Variants in ADCY8 observed in about 807,000 individuals in gnomAD.
ADCY8 encodes adenylate cyclase type 8.
A neutral mutation model predicts 119.7 loss-of-function variants in ADCY8; 51 were observed. The observed-to-expected ratio is 0.43, with a 90% confidence interval of 0.34 to 0.54. The LOEUF (loss-of-function observed/expected upper bound fraction) is 0.54. ADCY8 is among the 20% of genes least tolerant of loss of function. ADCY8 has a pLI of 0.03. For synonymous variants in ADCY8, 665 were observed against 651.0 expected (o/e 1.02, Z -0.33); for missense variants, 1,383 against 1,598.8 (o/e 0.87, Z 2.30).
chr8:130,812,129 C>A (rs777073413), intron 14 of ADCY8, among the ~76,000 whole-genome samples: 1 of 152,190 alleles, frequency 6.6e-6, no homozygotes, highest in Non-Finnish European at 1.5e-5. Context: ...CAGGGTCTTG[C>A]CTGGGCCCTT....
At chr8:130,966,360 C>T (rs1051168628) in intron 2 of ADCY8, among the ~76,000 whole-genome samples, 3 of 152,080 alleles carry the variant, frequency 2.0e-5, no homozygotes, top group African/African-American at 7.2e-5. Context: ...GCCTAACGTA[C>T]ATGATTGAGG....
At chr8:130,928,195 C>T (rs1820529412) in intron 5 of ADCY8, among the ~76,000 whole-genome samples, 1 of 152,148 alleles carries the variant, frequency 6.6e-6, no homozygotes, top group Non-Finnish European at 1.5e-5. Context: ...CCTCAGCCTC[C>T]CAAGTAGCTA....
chr8:130,794,401 C>T (rs925930758), intron 15 of ADCY8, among the ~76,000 whole-genome samples: 18 of 152,096 alleles, frequency 1.2e-4, no homozygotes, highest in African/African-American at 3.1e-4. Flanking sequence ...CCCACCAGCA[C>T]GCCTGGCTCA....
At chr8:130,997,864 C>T (rs974182387) in intron 1 of ADCY8, among the ~76,000 whole-genome samples, 1 of 152,088 alleles carries the variant, frequency 6.6e-6, no homozygotes, top group Non-Finnish European at 1.5e-5. Context: ...TACCTGGATC[C>T]CTCGGGTCCC....
intron 14 of ADCY8, among the ~76,000 whole-genome samples, chr8:130,804,090 T>C (rs890413601): frequency 6.6e-6 from 1 of 152,224 alleles, no homozygotes; most frequent in Non-Finnish European, 1.5e-5. Flanking sequence ...GAGATCCTGC[T>C]TAAGTAAATG....
At chr8:130,872,284 A>C (rs1818395233) in intron 8 of ADCY8, among the ~76,000 whole-genome samples, 1 of 152,218 alleles carries the variant, frequency 6.6e-6, no homozygotes, top group African/African-American at 2.4e-5. Context: ...CAACTCTTGA[A>C]GAAGGTCTTG....
At chr8:130,992,382 CAT>C (rs1161136558) in intron 1 of ADCY8, among the ~76,000 whole-genome samples, 1,744 of 77,002 alleles carry the variant, frequency 0.023, 29 homozygotes, top group Middle Eastern at 0.036. Context: ...CTGTATCTGG[CAT>C]ATATATATAT....
chr8:130,844,275 T>G (rs1303480782), intron 11 of ADCY8, among the ~76,000 whole-genome samples: 1 of 152,170 alleles, frequency 6.6e-6, no homozygotes, highest in East Asian at 1.9e-4. Flanking sequence ...AACCTGTGCC[T>G]TTCTTTCTCC....
intron 8 of ADCY8, among the ~76,000 whole-genome samples, chr8:130,873,089 C>T (rs867321396): frequency 3.9e-5 from 6 of 152,154 alleles, no homozygotes; most frequent in South Asian, 2.1e-4. Flanking sequence ...CAGGGAAGTT[C>T]GTTTACAGAG....
intron 1 of ADCY8, among the ~76,000 whole-genome samples, chr8:131,000,574 T>A (rs375168512): frequency 1.3e-5 from 2 of 152,176 alleles, no homozygotes; most frequent in East Asian, 3.9e-4. Flanking sequence ...ATTCTGTAGA[T>A]GCCGGAACTG....
intron 1 of ADCY8, among the ~76,000 whole-genome samples, chr8:131,025,455 G>C (rs1299412960): frequency 6.6e-6 from 1 of 152,092 alleles, no homozygotes; most frequent in Non-Finnish European, 1.5e-5. Context: ...CAGCAATACT[G>C]ATGCGAATAT....
intron 3 of ADCY8, among the ~76,000 whole-genome samples, chr8:130,950,948 T>G (rs899830651): frequency 6.6e-6 from 1 of 152,216 alleles, no homozygotes; most frequent in South Asian, 2.1e-4. Flanking sequence ...TCCGCCCACC[T>G]TGGCCTCCCA....
intron 1 of ADCY8, among the ~76,000 whole-genome samples, chr8:131,036,895 G>A (rs1330933442): frequency 6.6e-6 from 1 of 152,196 alleles, no homozygotes; most frequent in Non-Finnish European, 1.5e-5. Context: ...AGAGAATCAA[G>A]CATGCTGTGG....
intron 7 of ADCY8, among the ~76,000 whole-genome samples, chr8:130,900,204 T>G (rs1359717463): frequency 1.3e-5 from 2 of 152,052 alleles, no homozygotes; most frequent in African/African-American, 4.8e-5. Flanking sequence ...CAGAATGGGG[T>G]CAAACCAACA....
chr8:130,865,558 T>C (rs1477310517), intron 9 of ADCY8, among the ~76,000 whole-genome samples: 1 of 152,196 alleles, frequency 6.6e-6, no homozygotes. Context: ...TCTTATTTTT[T>C]ATAATAGTAT....
chr8:130,889,763 A>C (rs1477418502), intron 7 of ADCY8, among the ~76,000 whole-genome samples: 2 of 152,182 alleles, frequency 1.3e-5, no homozygotes, highest in African/African-American at 4.8e-5. Context: ...TATCAGACCC[A>C]GTGCACGTGG....
At chr8:130,942,813 C>T (rs1162085025) in intron 4 of ADCY8, among the ~76,000 whole-genome samples, 2 of 152,208 alleles carry the variant, frequency 1.3e-5, no homozygotes, top group Non-Finnish European at 2.9e-5. Flanking sequence ...TGTCCATCTC[C>T]TTTAATCTGT....
intron 5 of ADCY8, among the ~76,000 whole-genome samples, chr8:130,919,149 C>T (rs1284556838): frequency 6.6e-6 from 1 of 152,200 alleles, no homozygotes; most frequent in African/African-American, 2.4e-5. Flanking sequence ...GTCAGTATCG[C>T]ATGTCCAAAC....
chr8:130,901,493 T>G (rs1364533251), intron 7 of ADCY8, among the ~76,000 whole-genome samples: 1 of 152,186 alleles, frequency 6.6e-6, no homozygotes, highest in Non-Finnish European at 1.5e-5. Context: ...GCTTTATCTG[T>G]GTTATGCAAA....
Sources: gnomAD v4.1 joint callset for allele counts (sites outside exome capture counted in the v4.1 genomes callset) on GRCh38, gnomAD v4.1.1 for gene constraint, MANE v1.5 for transcripts, NCBI Gene and HGNC (gene_info 2026-07-23, HGNC 2026-07-21) for gene names.